ZNF407: variants seen among roughly 807,000 people sequenced by gnomAD.
The protein encoded by ZNF407 is zinc finger protein 407.
A neutral mutation model predicts 131.2 loss-of-function variants in ZNF407; 17 were observed. The ratio of observed to expected loss-of-function variants is 0.13; its 90% confidence interval spans 0.09 to 0.19. The LOEUF (loss-of-function observed/expected upper bound fraction) is 0.19. Among genes scored for constraint, ZNF407 ranks in the 10% least tolerant of loss-of-function variants. The probability of loss-of-function intolerance (pLI) is 1.00; values close to 1 mark genes in which losing one functional copy is unlikely to be tolerated. For missense variants in ZNF407, 2,681 were observed against 2,830.6 expected, an observed-to-expected ratio of 0.95 and a Z score of 1.20; for synonymous variants, 1,156 against 1,062.0, an observed-to-expected ratio of 1.09 and a Z score of -1.72.
At chr18:74,705,307 T>C (rs1967599400) in intron 3 of ZNF407, among the ~76,000 whole-genome samples, 1 of 152,150 alleles carries the variant, frequency 6.6e-6, no homozygotes, top group Admixed American at 6.5e-5. Flanking sequence ...TGTGATGTCA[T>C]GGGGACAAAA....
At chr18:74,667,515 C>T (rs965410252) in intron 3 of ZNF407, among the ~76,000 whole-genome samples, 4 of 152,306 alleles carry the variant, frequency 2.6e-5, no homozygotes, top group Non-Finnish European at 5.9e-5. Flanking sequence ...AGGTTGCGTA[C>T]TCGTCTCTTA....
At chr18:75,032,127 T>C (rs573099263) in intron 8 of ZNF407, among the ~76,000 whole-genome samples, 1 of 152,210 alleles carries the variant, frequency 6.6e-6, no homozygotes, top group Admixed American at 6.5e-5. Flanking sequence ...CCCCCCACAC[T>C]GAGGGGTTGG....
intron 6 of ZNF407, among the ~76,000 whole-genome samples, chr18:74,884,162 A>C (rs1396476661): frequency 2.6e-5 from 4 of 152,222 alleles, no homozygotes; most frequent in Non-Finnish European, 5.9e-5. Context: ...GTCATCTTCA[A>C]ACCATTAGCA....
chr18:74,914,079 G>A (rs1971712560), intron 7 of ZNF407, among the ~76,000 whole-genome samples: 1 of 152,192 alleles, frequency 6.6e-6, no homozygotes, highest in African/African-American at 2.4e-5. Context: ...TGCACTCTTA[G>A]AATGCCTTTT....
chr18:74,783,659 G>A (rs1969650748), intron 4 of ZNF407, among the ~76,000 whole-genome samples: 1 of 151,868 alleles, frequency 6.6e-6, no homozygotes, highest in Non-Finnish European at 1.5e-5. Context: ...ACTGAGGCAG[G>A]AGAAAGATTG....
At position 74,912,144 on chromosome 18, in the gene ZNF407, C is replaced by G. The variant is rs1243640711; in HGVS notation, c.5250-8370C>G. ...CTCCTGGGTACTTATCCTATAACAT[C>G]TGTGCCAAGCTCTCTGCTGTTTGGT... is the stretch of plus-strand genomic sequence containing the variant. On this transcript the variant is annotated intron_variant, in intron 7 of 8. Coordinates refer to ENST00000299687, the MANE Select transcript of ZNF407 (RefSeq NM_017757.3). Among the ~76,000 whole-genome samples the G allele has an allele frequency of 5.3e-5, 8 of 152,152 alleles. No homozygotes were observed. The East Asian group carries it at 1.5e-3, about 29-fold the overall frequency.
intron 4 of ZNF407, among the ~76,000 whole-genome samples, chr18:74,860,268 G>A (rs1171878119): frequency 6.6e-6 from 1 of 151,840 alleles, no homozygotes; most frequent in Non-Finnish European, 1.5e-5. Context: ...TCGCACTCTA[G>A]CCTTGGCAGC....
rs148908420 is a variant in ZNF407, at chr18:74,600,937, G to C, written c.-54+3000G>C. ...CGGAGACCAGTTGGCATGGTGTAAG[G>C]CTAGGGGACAGGGATCTTTTAGAGG... is the stretch of plus-strand genomic sequence containing the variant. On this transcript the variant is annotated intron_variant, in intron 1 of 8. Coordinates refer to ENST00000299687, the MANE Select transcript of ZNF407 (RefSeq NM_017757.3). 7.9e-4 allele frequency among the ~76,000 whole-genome samples: 120 copies of C among 152,306 alleles called. 1 individual carries two copies. Among genetic ancestry groups the C allele is most frequent in the Non-Finnish European group, 1.1e-3 (76 of 68,036 alleles).
intron 4 of ZNF407, among the ~76,000 whole-genome samples, chr18:74,791,733 G>C (rs17243661): frequency 0.17 from 26,254 of 152,018 alleles, 2,609 homozygotes; most frequent in Non-Finnish European, 0.23. Context: ...TGATTTAGCA[G>C]CATTCTATTT....
intron 4 of ZNF407, among the ~76,000 whole-genome samples, chr18:74,866,749 A>G (rs886172540): frequency 4.0e-5 from 6 of 150,012 alleles, no homozygotes; most frequent in African/African-American, 1.5e-4. Flanking sequence ...ATATTATTTT[A>G]TTCATTGATT....
At chr18:74,800,102 A>G (rs1568221321) in intron 4 of ZNF407, among the ~76,000 whole-genome samples, 1 of 151,990 alleles carries the variant, frequency 6.6e-6, no homozygotes, top group Admixed American at 6.6e-5. Flanking sequence ...TTCTTTGTAT[A>G]CACACACAGT....
At chr18:74,701,905 T>G (rs1967505415) in intron 3 of ZNF407, among the ~76,000 whole-genome samples, 1 of 152,214 alleles carries the variant, frequency 6.6e-6, no homozygotes, top group African/African-American at 2.4e-5. Context: ...AATGTTTGCA[T>G]CAGCTTTATT....
chr18:74,839,612 A>C lies in ZNF407; in HGVS notation c.4878-37585A>C, dbSNP rs112614750. Among the ~76,000 whole-genome samples the C allele has an allele frequency of 6.1e-3, 933 of 152,314 alleles. 10 individuals carry two copies. The highest frequency in any genetic ancestry group is 0.021 in the African/African-American group (856 of 41,576). On this transcript the variant is annotated intron_variant, in intron 4 of 8. Transcript: ENST00000299687. ...AGAGAAACACCTGGATTTGTGTTTGATTGAATAACTTGGGACTATAGCCTC... is the reference window on the plus strand; with the variant it reads ...AGAGAAACACCTGGATTTGTGTTTGCTTGAATAACTTGGGACTATAGCCTC...
chr18:75,039,319 T>C (rs895480692), intron 8 of ZNF407, among the ~76,000 whole-genome samples: 5 of 152,246 alleles, frequency 3.3e-5, no homozygotes, highest in African/African-American at 9.6e-5. Context: ...TGTACCTCCA[T>C]AGACTGCTTA....
At chr18:74,851,536 C>T (rs560016111) in intron 4 of ZNF407, among the ~76,000 whole-genome samples, 7 of 152,232 alleles carry the variant, frequency 4.6e-5, no homozygotes, top group African/African-American at 4.8e-5. Flanking sequence ...CACAAGGGCG[C>T]GAGGCTGTGC....
chr18:74,705,313 C>A (rs924966042), intron 3 of ZNF407, among the ~76,000 whole-genome samples: 1 of 152,026 alleles, frequency 6.6e-6, no homozygotes, highest in Non-Finnish European at 1.5e-5. Flanking sequence ...GTCATGGGGA[C>A]AAAAGCCCAC....
intron 3 of ZNF407, among the ~76,000 whole-genome samples, chr18:74,732,763 T>G (rs2144899003): frequency 6.6e-6 from 1 of 152,344 alleles, no homozygotes; most frequent in African/African-American, 2.4e-5. Flanking sequence ...ACTAAGTCTG[T>G]CAGATAGTTT....
intron 3 of ZNF407, among the ~76,000 whole-genome samples, chr18:74,654,911 A>G (rs1054257225): frequency 1.5e-4 from 23 of 151,952 alleles, no homozygotes; most frequent in Non-Finnish European, 2.9e-4. Context: ...TTGAATTACT[A>G]TAAATGAGTT....
chr18:75,005,405 A>C (rs1466994753), intron 8 of ZNF407, among the ~76,000 whole-genome samples: 1 of 152,122 alleles, frequency 6.6e-6, no homozygotes, highest in South Asian at 2.1e-4. Flanking sequence ...AATCTGATTC[A>C]GCCCAGACCC....
Sources: gnomAD v4.1 joint callset for allele counts (sites outside exome capture counted in the v4.1 genomes callset) on GRCh38, gnomAD v4.1.1 for gene constraint, MANE v1.5 for transcripts, NCBI Gene and HGNC (gene_info 2026-07-23, HGNC 2026-07-21) for gene names.